IL23R: variants seen among roughly 807,000 people sequenced by gnomAD.
IL23R encodes the protein interleukin-23 receptor.
In IL23R, 34 loss-of-function variants were observed where a neutral mutation model predicts 56.9. The ratio of observed to expected loss-of-function variants is 0.60; its 90% CI spans 0.45 to 0.80. The LOEUF (loss-of-function observed/expected upper bound fraction) is 0.80, where lower values mean the gene tolerates loss of function less well. Ranked by LOEUF, IL23R falls within the 30% of genes least tolerant of loss-of-function variation. IL23R has a pLI of 0.00. For missense variants in IL23R, 635 were observed against 730.0 expected, an observed-to-expected ratio of 0.87 and a Z score of 1.50; for synonymous variants, 230 against 249.2, an observed-to-expected ratio of 0.92 and a Z score of 0.73.
chr1:67,242,052 G>A (rs1298124427), intron 9 of IL23R, among the ~76,000 whole-genome samples: 1 of 152,232 alleles, frequency 6.6e-6, no homozygotes, highest in East Asian at 1.9e-4. Flanking sequence ...GTAACCATAG[G>A]CTTTACAGTA....
At chr1:67,224,700 T>C (rs564246400) in intron 7 of IL23R, among the ~76,000 whole-genome samples, 1 of 152,330 alleles carries the variant, frequency 6.6e-6, no homozygotes, top group African/African-American at 2.4e-5. Context: ...ATTTAGACTT[T>C]AATAGGACAA....
chr1:67,148,344 G>A (rs1646700432), intron 1 of IL23R, among the ~76,000 whole-genome samples: 2 of 152,220 alleles, frequency 1.3e-5, no homozygotes, highest in Non-Finnish European at 1.5e-5. Flanking sequence ...TCCCATAGAA[G>A]GGGAGGGGAC....
intron 7 of IL23R, among the ~76,000 whole-genome samples, chr1:67,230,955 G>A (rs915594390): frequency 1.3e-5 from 2 of 152,136 alleles, no homozygotes; most frequent in Non-Finnish European, 1.5e-5. Context: ...ATTAAAAGGA[G>A]ATGCGAAAGA....
downstream of IL23R, among the ~76,000 whole-genome samples, chr1:67,260,515 T>G (rs566193895): frequency 1.2e-4 from 19 of 152,212 alleles, no homozygotes; most frequent in East Asian, 3.3e-3. Flanking sequence ...TCTACTGAGC[T>G]GTACAAGTGC....
At chr1:67,158,604 C>T (rs556807083) in intron 1 of IL23R, among the ~76,000 whole-genome samples, 49 of 152,150 alleles carry the variant, frequency 3.2e-4, no homozygotes, top group Non-Finnish European at 6.6e-4. Flanking sequence ...GGTAAACTGA[C>T]ATGGCATGCT....
At chr1:67,150,752 C>G (rs926241052) in intron 1 of IL23R, among the ~76,000 whole-genome samples, 2 of 151,036 alleles carry the variant, frequency 1.3e-5, no homozygotes, top group African/African-American at 4.9e-5. Flanking sequence ...AGAGATCAAG[C>G]TGGATATAGA....
chr1:67,180,189 C>T (rs71499356), intron 3 of IL23R, among the ~76,000 whole-genome samples: 7 of 152,058 alleles, frequency 4.6e-5, no homozygotes, highest in African/African-American at 7.2e-5. Context: ...CTTTCTGTCT[C>T]GTTGATCTGT....
At chr1:67,153,116 C>T (rs1194380436) in intron 1 of IL23R, among the ~76,000 whole-genome samples, 2 of 152,140 alleles carry the variant, frequency 1.3e-5, no homozygotes, top group Non-Finnish European at 2.9e-5. Flanking sequence ...GTTACTGCCT[C>T]AATTTCAGAA....
At chr1:67,237,833 GAAC>G (rs1379852123) in intron 8 of IL23R, among the ~76,000 whole-genome samples, 3 of 152,130 alleles carry the variant, frequency 2.0e-5, no homozygotes, top group Non-Finnish European at 4.4e-5. Context: ...AATAGTATAA[GAAC>G]TTTTGCAGGT....
chr1:67,169,721 G>C, intron 3 of IL23R, 83 bp downstream of exon 3: 1 of 1,256,444 alleles, frequency 8.0e-7, no homozygotes, highest in African/African-American at 1.5e-5. Flanking sequence ...CTAAAAATAG[G>C]GACAAAATAA....
At chr1:67,260,645 A>G (rs1653175159), downstream of IL23R, among the ~76,000 whole-genome samples, 1 of 152,192 alleles carries the variant, frequency 6.6e-6, no homozygotes, top group African/African-American at 2.4e-5. Flanking sequence ...TAAAAATGAA[A>G]TACATATTTT....
chr1:67,233,389 T>G (rs1651237826), intron 7 of IL23R, among the ~76,000 whole-genome samples: 1 of 151,604 alleles, frequency 6.6e-6, no homozygotes, highest in Non-Finnish European at 1.5e-5. Context: ...CGGTTTTGAT[T>G]ATGTCTTCAT....
intron 5 of IL23R, 39 bp downstream of exon 5, chr1:67,200,936 C>T (rs1012120690): frequency 3.1e-6 from 5 of 1,596,920 alleles, no homozygotes; most frequent in African/African-American, 2.7e-5. Context: ...TAATAATAAC[C>T]AGTTTGTGCT....
At chr1:67,235,060 AT>A (rs1651378050) in intron 7 of IL23R, among the ~76,000 whole-genome samples, 1 of 152,174 alleles carries the variant, frequency 6.6e-6, no homozygotes, top group South Asian at 2.1e-4. Context: ...CTCCCTGCAA[AT>A]GAACATTGGC....
At chr1:67,141,255 A>AAAT (rs1483491918) in intron 1 of IL23R, among the ~76,000 whole-genome samples, 2 of 152,320 alleles carry the variant, frequency 1.3e-5, no homozygotes, top group East Asian at 3.9e-4. Flanking sequence ...TATATCTTGG[A>AAAT]AATATTTTTC....
At chr1:67,198,351 G>A (rs1170619189) in intron 4 of IL23R, among the ~76,000 whole-genome samples, 2 of 152,170 alleles carry the variant, frequency 1.3e-5, no homozygotes, top group African/African-American at 2.4e-5. Context: ...TGATTATTTA[G>A]GGGTAGAGAT....
chr1:67,257,086 G>A (rs1195998298), intron 10 of IL23R, among the ~76,000 whole-genome samples: 1 of 152,074 alleles, frequency 6.6e-6, no homozygotes, highest in Non-Finnish European at 1.5e-5. Flanking sequence ...GAAGAAAATT[G>A]GAATGACACT....
At chr1:67,243,330 T>G (rs1177762154) in intron 9 of IL23R, among the ~76,000 whole-genome samples, 1 of 152,018 alleles carries the variant, frequency 6.6e-6, no homozygotes, top group African/African-American at 2.4e-5. Context: ...TTTCTTATAC[T>G]GTAAGTTCTG....
chr1:67,178,597 G>T (rs1159952629), intron 3 of IL23R, among the ~76,000 whole-genome samples: 1 of 152,108 alleles, frequency 6.6e-6, no homozygotes, highest in Non-Finnish European at 1.5e-5. Context: ...TTTCCTAATT[G>T]AATACCCTTT....
Sources: gnomAD v4.1 joint callset for allele counts (sites outside exome capture counted in the v4.1 genomes callset) on GRCh38, gnomAD v4.1.1 for gene constraint, MANE v1.5 for transcripts, NCBI Gene and HGNC (gene_info 2026-07-23, HGNC 2026-07-21) for gene names.